TALDO1: variants seen among roughly 807,000 people sequenced by gnomAD.
TALDO1 encodes the protein transaldolase.
Under a neutral mutation model 38.1 loss-of-function variants are expected in TALDO1, and 29 were observed. The observed-to-expected ratio is 0.76, with a 90% CI of 0.57 to 1.04. The LOEUF (loss-of-function observed/expected upper bound fraction) is 1.04. Among genes scored for constraint, TALDO1 ranks in the 50% least tolerant of loss-of-function variants. The pLI, the probability that TALDO1 is intolerant of heterozygous loss-of-function variation, is 0.00. For synonymous variants in TALDO1, 207 were observed against 176.8 expected, an observed-to-expected ratio of 1.17 and a Z score of -1.36; for missense variants, 499 against 438.1, an observed-to-expected ratio of 1.14 and a Z score of -1.24.
chr11:763,002 G>A (rs1862965212), intron 4 of TALDO1, among the ~76,000 whole-genome samples: 1 of 152,178 alleles, frequency 6.6e-6, no homozygotes, highest in Non-Finnish European at 1.5e-5. Context: ...CCTTGCCTTT[G>A]TCTATTGTGT....
Position 763,477 on chromosome 11 carries a change from G to A in TALDO1, c.595G>A (p.Ala199Thr). 2 of 1,613,558 alleles carry A rather than the reference G, an allele frequency of 1.2e-6. No individual in the cohort carries two copies. The highest frequency in any genetic ancestry group is 8.5e-7 in the Non-Finnish European group (1 of 1,179,900). Residue 199 changes from alanine (A) to threonine (T), a missense_variant, in exon 5 of 8, where the codon GCA (alanine) becomes ACA (threonine). Physicochemically the swap from Ala to Thr is moderately conservative, Grantham distance 58. Transcript: ENST00000319006. ...FVGRILDWHV[A>T]NTDKKSYEPL... ...TGGGCGCATCCTTGATTGGCATGTG[G>A]CAAACACCGACAAGAAATCCTATGA...
chr11:751,627 C>T (rs1031120946), intron 1 of TALDO1, among the ~76,000 whole-genome samples: 109 of 152,180 alleles, frequency 7.2e-4, no homozygotes, highest in African/African-American at 2.4e-3. Context: ...AACCCCATCT[C>T]TACTAAAAAT....
rs760647320 is a variant in TALDO1, at chr11:763,751, A to G, written c.642A>G (p.Val214=). Residue 214 remains valine, a synonymous_variant, in exon 6 of 8, where the codon GTA becomes GTG. Coordinates refer to ENST00000319006, the MANE Select transcript of TALDO1 (RefSeq NM_006755.2). ...CACAGCTTGGTCTCTTTCCAGGGGTAAAGAGTGTCACTAAAATCTACAACT... is the reference window on the plus strand; with the variant it reads ...CACAGCTTGGTCTCTTTCCAGGGGTGAAGAGTGTCACTAAAATCTACAACT... ...KSYEPLEDPG[V]KSVTKIYNYY... is the part of the protein sequence containing the mutation. 4.3e-6 allele frequency: 7 copies of G among 1,613,884 alleles called. No homozygotes were observed. In the East Asian group the frequency reaches 1.1e-4, roughly 26 times the overall value.
At chr11:747,692 G>A in intron 1 of TALDO1, 114 bp downstream of exon 1, 1 of 924,824 alleles carries the variant, frequency 1.1e-6, no homozygotes, top group South Asian at 1.7e-5. Flanking sequence ...TGCCCCGGGC[G>A]GCTCGTTCCG....
intron 7 of TALDO1, 98 bp downstream of exon 7, chr11:764,531 G>C (rs1019688476): frequency 6.5e-7 from 1 of 1,546,680 alleles, no homozygotes; most frequent in Non-Finnish European, 8.8e-7. Context: ...ACTTTGGTGA[G>C]ACCCCAGGTC....
chr11:764,678 C>G, intron 7 of TALDO1, 135 bp from the exon 8 acceptor site: 1 of 1,459,158 alleles, frequency 6.9e-7, no homozygotes. Flanking sequence ...GTGGTATTGG[C>G]CACCCTGTGG....
intron 1 of TALDO1, among the ~76,000 whole-genome samples, chr11:755,071 A>G (rs1009019948): frequency 1.3e-5 from 2 of 151,752 alleles, no homozygotes; most frequent in African/African-American, 2.4e-5. Context: ...CGCTTCAGCA[A>G]CTAGGCTTGC....
chr11:747,467 C>G lies in TALDO1; in HGVS notation c.-15C>G. 2 of 1,571,162 alleles carry G rather than the reference C, an allele frequency of 1.3e-6. No individual in the cohort carries two copies. ...CCGTCGCCGCCGCCGCCGCCGCAGA[C>G]CCCTCGGTCTTGCTATGTCGAGCTC... On this transcript the variant is annotated 5_prime_UTR_variant, in exon 1 of 8. Coordinates refer to ENST00000319006, the MANE Select transcript of TALDO1 (RefSeq NM_006755.2).
chr11:754,922 TACC>T (rs920483392), intron 1 of TALDO1, among the ~76,000 whole-genome samples: 2 of 151,960 alleles, frequency 1.3e-5, no homozygotes, highest in East Asian at 3.9e-4. Context: ...AGGCATGCAC[TACC>T]ACACCTGGCT....
At position 757,502 on chromosome 11, in the gene TALDO1, C is replaced by T. The variant is rs1241298606; in HGVS notation, c.222-1448C>T. Among the ~76,000 whole-genome samples the T allele has an allele frequency of 2.6e-5, 4 of 152,158 alleles. No homozygotes were observed. In the East Asian group the frequency reaches 7.7e-4, roughly 29 times the overall value. ...AGAGGCAGGGTTTCACCATGTTGCC[C>T]TAGCTGGTTTCGAACTCCTGAGCTT... On this transcript the variant is annotated intron_variant, in intron 2 of 7. Coordinates refer to ENST00000319006, the MANE Select transcript of TALDO1 (RefSeq NM_006755.2).
At chr11:764,592 G>A (rs1863015695) in intron 7 of TALDO1, 159 bp downstream of exon 7, 2 of 1,377,402 alleles carry the variant, frequency 1.5e-6, no homozygotes, top group Admixed American at 4.0e-5. Flanking sequence ...ATCCCAGGGT[G>A]GAGGGTGCAT....
At chr11:753,129 C>T (rs916483535) in intron 1 of TALDO1, among the ~76,000 whole-genome samples, 1 of 151,960 alleles carries the variant, frequency 6.6e-6, no homozygotes, top group African/African-American at 2.4e-5. Flanking sequence ...CGCAGTGGCT[C>T]ACGTCTGTAA....
At chr11:749,301 G>A (rs1862711417) in intron 1 of TALDO1, among the ~76,000 whole-genome samples, 1 of 151,068 alleles carries the variant, frequency 6.6e-6, no homozygotes, top group Admixed American at 6.6e-5. Flanking sequence ...TACTTGGGAG[G>A]CTGAGGCAGG....
At chr11:754,288 G>A (rs1209892302) in intron 1 of TALDO1, among the ~76,000 whole-genome samples, 1 of 151,962 alleles carries the variant, frequency 6.6e-6, no homozygotes, top group African/African-American at 2.4e-5. Context: ...CCCAGCCACT[G>A]AGTAGCATTT....
Position 764,268 on chromosome 11 carries a change from G to C in TALDO1, c.836-20G>C, listed in dbSNP as rs764206574. 32 of 1,613,976 alleles carry C rather than the reference G, an allele frequency of 2.0e-5. 2 individuals carry two copies. The South Asian group carries it at 3.2e-4, about 16-fold the overall frequency. On this transcript the variant is annotated intron_variant, in intron 6 of 7. Transcript: ENST00000319006. ...GCAGGGACATGGAGCAGGCATGGAA[G>C]GCTGGTTCTTGTCCCCCAGCCCAAG...
In TALDO1 at chr11:764,422, C is replaced by G. The variant is rs200473365; in HGVS notation, c.970C>G (p.Arg324Gly). 1 of 1,614,188 alleles carries G rather than the reference C, an allele frequency of 6.2e-7. No homozygotes were observed. Among genetic ancestry groups the G allele is most frequent in the Admixed American group, 1.7e-5 (1 of 60,020 alleles). ...KFAADAVKLE[R>G]MLTERMFNAE... is the part of the protein sequence containing the mutation. ...TGCCGCTGATGCAGTGAAGCTGGAG[C>G]GGATGCTGACAGTGAGTGTTGTGTG... The change falls in exon 7 of 8, where the codon CGG becomes GGG. Residue 324 changes from arginine (R) to glycine (G), a missense_variant. Transcript: ENST00000319006.
intron 1 of TALDO1, among the ~76,000 whole-genome samples, chr11:749,221 G>A (rs1315962418): frequency 6.6e-6 from 1 of 151,996 alleles, no homozygotes; most frequent in African/African-American, 2.4e-5. Context: ...TGACCAACAT[G>A]GTGAAACCCC....
rs767660413 is a variant in TALDO1 at position 758,934 on chromosome 11, T to C, written c.222-16T>C. The stretch of plus-strand genomic sequence containing the variant: ...TCAGAAGCTTCTAACCTGCTTTTTT[T>C]CCCTTTGAATTTCAGGTCACAAGAG... On this transcript the variant is annotated splice_polypyrimidine_tract_variant and intron_variant, in intron 2 of 7. Transcript: ENST00000319006. 1.9e-6 allele frequency: 3 copies of C among 1,576,640 alleles called. No homozygotes were observed. Among genetic ancestry groups the C allele is most frequent in the Middle Eastern group, 1.7e-4 (1 of 5,978 alleles).
At chr11:757,574 G>A (rs916654523) in intron 2 of TALDO1, among the ~76,000 whole-genome samples, 4 of 152,162 alleles carry the variant, frequency 2.6e-5, no homozygotes, top group Non-Finnish European at 4.4e-5. Context: ...GATTACAGGC[G>A]TGAGCCACTG....
Sources: allele counts gnomAD v4.1 joint callset (sites outside exome capture counted in the v4.1 genomes callset), GRCh38; gene constraint gnomAD v4.1.1; transcripts MANE v1.5; gene names NCBI Gene and HGNC (gene_info 2026-07-23, HGNC 2026-07-21).